The following XPNPEP3 variants were observed in gnomAD, a reference collection of about 807,000 sequenced individuals.
XPNPEP3 encodes X-prolyl aminopeptidase 3.
In XPNPEP3, 41 loss-of-function variants were observed where a neutral mutation model predicts 60.0. The observed-to-expected ratio is 0.68, with a 90% CI of 0.53 to 0.89. The LOEUF (loss-of-function observed/expected upper bound fraction) is 0.89, where lower values mean the gene tolerates loss of function less well. Ranked by LOEUF, XPNPEP3 falls within the 40% of genes least tolerant of loss-of-function variation. The pLI is 0.00. For missense variants in XPNPEP3, 598 were observed against 638.9 expected, an observed-to-expected ratio of 0.94 and a Z score of 0.69; for synonymous variants, 212 against 223.2, an observed-to-expected ratio of 0.95 and a Z score of 0.45.
intron 8 of XPNPEP3, among the ~76,000 whole-genome samples, chr22:40,923,553 A>C (rs548043329): frequency 1.0e-3 from 153 of 152,076 alleles, no homozygotes; most frequent in Non-Finnish European, 9.0e-4. Context: ...TAACTAACTG[A>C]CGGAAATATC....
At position 40,907,569 on chromosome 22, in the gene XPNPEP3, C is replaced by T. The variant is rs201917593; in HGVS notation, c.793-18C>T. On this transcript the variant is annotated intron_variant, in intron 4 of 9. Transcript: ENST00000357137. ...TAGAATGAGATCGTGTTCTTTTCAT[C>T]CTCCTTTCTCTTTGCAGGCTTTCAT... The T allele has an allele frequency of 7.1e-5, 114 of 1,611,442 alleles. No individual in the cohort carries two copies. In the Admixed American group the frequency reaches 7.5e-4, roughly 11 times the overall value.
At chr22:40,893,864 C>T (rs2058098036) in intron 4 of XPNPEP3, among the ~76,000 whole-genome samples, 2 of 152,322 alleles carry the variant, frequency 1.3e-5, no homozygotes, top group South Asian at 2.1e-4. Context: ...GATCTGCCCA[C>T]CTCGGCCTCC....
chr22:40,860,675 CA>C, intron 1 of XPNPEP3: 1 of 1,192,084 alleles, frequency 8.4e-7, no homozygotes, highest in South Asian at 1.5e-5. Flanking sequence ...TTTTTTAAGA[CA>C]GGGTCTTACT....
At chr22:40,902,969 T>A (rs565904152) in intron 4 of XPNPEP3, among the ~76,000 whole-genome samples, 1 of 152,228 alleles carries the variant, frequency 6.6e-6, no homozygotes, top group African/African-American at 2.4e-5. Flanking sequence ...GAGCCTAAAA[T>A]GGAATCTCAC....
intron 2 of XPNPEP3, among the ~76,000 whole-genome samples, chr22:40,875,261 G>A (rs564860964): frequency 2.6e-5 from 4 of 151,956 alleles, no homozygotes; most frequent in Admixed American, 6.6e-5. Flanking sequence ...CTGCAGTCTC[G>A]ACCTCCCAAG....
intron 4 of XPNPEP3, among the ~76,000 whole-genome samples, chr22:40,901,210 T>C (rs1025330898): frequency 2.0e-5 from 3 of 151,288 alleles, no homozygotes; most frequent in Non-Finnish European, 4.4e-5. Context: ...TCTGATAAGG[T>C]TCTAGTATCT....
chr22:40,893,002 G>A (rs960097841), intron 4 of XPNPEP3, among the ~76,000 whole-genome samples: 6 of 151,042 alleles, frequency 4.0e-5, no homozygotes, highest in Non-Finnish European at 7.4e-5. Context: ...TTGTAAAACC[G>A]TTATCTTAAT....
At chr22:40,863,969 C>T (rs1019311208) in intron 1 of XPNPEP3, among the ~76,000 whole-genome samples, 2 of 152,088 alleles carry the variant, frequency 1.3e-5, no homozygotes, top group African/African-American at 2.4e-5. Flanking sequence ...CTGCTGTTAC[C>T]GGAAAGGGGT....
intron 3 of XPNPEP3, among the ~76,000 whole-genome samples, chr22:40,882,439 C>A (rs2058052105): frequency 6.6e-6 from 1 of 152,126 alleles, no homozygotes; most frequent in Non-Finnish European, 1.5e-5. Context: ...GAGTTCAAGA[C>A]CAACCTGGCC....
chr22:40,915,654 A>G (rs1186604069), intron 7 of XPNPEP3, among the ~76,000 whole-genome samples: 1 of 152,100 alleles, frequency 6.6e-6, no homozygotes, highest in African/African-American at 2.4e-5. Context: ...AGAAAGCCAC[A>G]GCCTTATTGA....
At chr22:40,868,409 C>G (rs902168511) in intron 1 of XPNPEP3, among the ~76,000 whole-genome samples, 1 of 151,050 alleles carries the variant, frequency 6.6e-6, no homozygotes. Context: ...CTTATTCATA[C>G]CTTTATTATA....
At chr22:40,901,552 C>G (rs913866596) in intron 4 of XPNPEP3, among the ~76,000 whole-genome samples, 1 of 152,048 alleles carries the variant, frequency 6.6e-6, no homozygotes, top group African/African-American at 2.4e-5. Flanking sequence ...AGAACTCTTA[C>G]AGTTCAACAA....
intron 2 of XPNPEP3, 122 bp from the exon 3 acceptor site, chr22:40,881,648 C>T: frequency 4.4e-6 from 5 of 1,140,000 alleles, no homozygotes; most frequent in Non-Finnish European, 6.5e-6. Context: ...TCTCCATGTG[C>T]TGTGAGGAGA....
intron 4 of XPNPEP3, among the ~76,000 whole-genome samples, chr22:40,896,175 T>C (rs568324121): frequency 6.6e-6 from 1 of 152,288 alleles, no homozygotes; most frequent in South Asian, 2.1e-4. Context: ...TGTAAAATTC[T>C]ATCAGGGTTG....
At chr22:40,861,254 A>G in intron 1 of XPNPEP3, 2 of 1,614,152 alleles carry the variant, frequency 1.2e-6, no homozygotes, top group Non-Finnish European at 1.7e-6. Flanking sequence ...AATTTGGTGA[A>G]TAGTTGTTGA....
intron 6 of XPNPEP3, among the ~76,000 whole-genome samples, chr22:40,910,701 G>A (rs1282919704): frequency 1.3e-5 from 2 of 151,234 alleles, no homozygotes; most frequent in African/African-American, 4.9e-5. Flanking sequence ...GCAAGACCCT[G>A]TCTTTAAAAA....
chr22:40,924,883 G>A (rs2058229553), intron 9 of XPNPEP3, among the ~76,000 whole-genome samples: 1 of 152,134 alleles, frequency 6.6e-6, no homozygotes, highest in Non-Finnish European at 1.5e-5. Context: ...AAAAAGTCCA[G>A]TGTGGAAGGT....
At chr22:40,874,157 A>C (rs1045326896) in intron 2 of XPNPEP3, among the ~76,000 whole-genome samples, 2 of 152,174 alleles carry the variant, frequency 1.3e-5, no homozygotes, top group African/African-American at 4.8e-5. Flanking sequence ...AGAAAAATAA[A>C]AAATAAATAA....
At chr22:40,872,513 C>T (rs539838026) in intron 2 of XPNPEP3, among the ~76,000 whole-genome samples, 2 of 151,656 alleles carry the variant, frequency 1.3e-5, no homozygotes, top group African/African-American at 4.8e-5. Context: ...TGCAATGACA[C>T]AATCTCTGCT....
Sources: allele counts gnomAD v4.1 joint callset (sites outside exome capture counted in the v4.1 genomes callset), GRCh38; gene constraint gnomAD v4.1.1; transcripts MANE v1.5; gene names NCBI Gene and HGNC (gene_info 2026-07-23, HGNC 2026-07-21).